Variants in MUC3A observed in about 807,000 individuals in gnomAD.
The protein encoded by MUC3A is mucin-3A.
MUC3A carries 109 observed loss-of-function variants against 109.0 expected under a neutral mutation model. The ratio of observed to expected loss-of-function variants is 1.00; its 90% CI spans 0.86 to 1.17. The LOEUF (loss-of-function observed/expected upper bound fraction) is 1.17. Ranked by LOEUF, MUC3A falls within the 50% of genes most tolerant of loss-of-function variation. The pLI, the probability that MUC3A is intolerant of heterozygous loss-of-function variation, is 0.00. For synonymous variants in MUC3A, 1,398 were observed against 981.4 expected (o/e 1.42, Z -7.93); for missense variants, 3,537 against 2,469.4 (o/e 1.43, Z -9.16).
rs34281234 is a variant in MUC3A at position 100,963,287 on chromosome 7, ATTTT to A, written c.9168+34_9168+37del. On this transcript the variant is annotated intron_variant, in intron 4 of 11. Transcript: ENST00000379458. ...ATCAGGTAAAGGGCAAAGAGAGGGG[ATTTT>A]TTTTTTTTTTTTGAGGTGTAGTCTC... 2.9e-4 allele frequency: 395 copies of A among 1,348,086 alleles called. No individual in the cohort carries two copies. In the African/African-American group the frequency reaches 4.5e-3, roughly 15 times the overall value. 83.5% of individuals were successfully genotyped at this position (1,348,086 alleles called of 1,614,324 possible).
chr7:100,967,214 T>A lies in MUC3A; in HGVS notation c.*52T>A. 1 of 1,596,960 alleles carries A rather than the reference T, an allele frequency of 6.3e-7. No homozygotes were observed. The highest frequency in any genetic ancestry group is 8.5e-7 in the Non-Finnish European group (1 of 1,178,932). ...CTCCGCCCTGCCCCGGACACAAGGG[T>A]CTGCATTGCGTCCATTTCAAGAGGT... is the stretch of plus-strand genomic sequence containing the variant. On this transcript the variant is annotated 3_prime_UTR_variant, in exon 12 of 12. Transcript: ENST00000379458.
Position 100,958,135 on chromosome 7 carries a change from T to TCGTCACCACCGA in MUC3A, c.6356_6357insCGTCACCACCGA (p.Met2119delinsIleValThrThrGlu). On this transcript the variant is annotated protein_altering_variant, in exon 2 of 12. Coordinates refer to ENST00000379458, the MANE Select transcript of MUC3A (RefSeq NM_005960.2). The stretch of plus-strand genomic sequence containing the variant: ...ACTTCCTCAATCACCACCTCTGAGA[T>TCGTCACCACCGA]GCCCTCACACAGTACTCCCAGCTTC... 1.9e-6 allele frequency: 1 copy of TCGTCACCACCGA among 537,658 alleles called. No individual in the cohort carries two copies. Among genetic ancestry groups the TCGTCACCACCGA allele is most frequent in the Non-Finnish European group, 3.4e-6 (1 of 294,098 alleles). 33.3% of individuals were successfully genotyped at this position (537,658 alleles called of 1,614,324 possible). A position where few individuals can be genotyped will look rare whatever the true frequency, so the allele number is the denominator to read the frequency against.
chr7:100,956,346 A>G lies in MUC3A; in HGVS notation c.4567A>G (p.Thr1523Ala). 1 of 641,630 alleles carries G rather than the reference A, an allele frequency of 1.6e-6. No individual in the cohort carries two copies. The highest frequency in any genetic ancestry group is 2.8e-6 in the Non-Finnish European group (1 of 361,374). 39.7% of individuals were successfully genotyped at this position (641,630 alleles called of 1,614,324 possible). A position where few individuals can be genotyped will look rare whatever the true frequency, so the allele number is the denominator to read the frequency against. Residue 1523 changes from threonine (T) to alanine (A), a missense_variant, in exon 2 of 12, where the codon ACC (threonine) becomes GCC (alanine). Coordinates refer to ENST00000379458, the MANE Select transcript of MUC3A (RefSeq NM_005960.2). ...TNLVTTTTKTTSHSTTSFTSS... is the reference protein window; with the variant it reads ...TNLVTTTTKTASHSTTSFTSS... ...CTTGGTAACCACCACCACCAAGACCACCTCACATAGTACCACCAGCTTCAC... is the reference window on the plus strand; with the variant it reads ...CTTGGTAACCACCACCACCAAGACCGCCTCACATAGTACCACCAGCTTCAC...
Position 100,964,811 on chromosome 7 carries a change from G to C in MUC3A, c.9350G>C (p.Ser3117Thr), listed in dbSNP as rs1243623180. The change falls in exon 6 of 12, where the codon AGC (serine) becomes ACC (threonine). Residue 3117 changes from serine to threonine, a missense_variant. Physicochemically the swap from Ser to Thr is moderately conservative, Grantham distance 58. Transcript: ENST00000379458. ...CTGAAGGAGGGGCTGCAGAACGCCA[G>C]CCAGGATGTGAACAGCTGCCAGGAC... Reference protein sequence around the residue: ...TTLKEGLQNASQDVNSCQDSQ... With the variant: ...TTLKEGLQNATQDVNSCQDSQ... 6.3e-7 allele frequency: 1 copy of C among 1,598,220 alleles called. No individual in the cohort carries two copies. The highest frequency in any genetic ancestry group is 1.7e-5 in the Admixed American group (1 of 60,020).
In MUC3A at chr7:100,956,327, AACC is replaced by A; in HGVS notation, c.4559_4561del (p.Thr1520del). On this transcript the variant is annotated inframe_deletion, in exon 2 of 12. Transcript: ENST00000379458. Reference sequence around the variant, plus strand: ...CCAAAACTCCTACCACAAACTTGGTAACCACCACCACCAAGACCACCTCACATA... The same window carrying A: ...CCAAAACTCCTACCACAAACTTGGTAACCACCACCAAGACCACCTCACATA... 3.3e-6 allele frequency: 2 copies of A among 603,598 alleles called. No homozygotes were observed. The highest frequency in any genetic ancestry group is 2.3e-5 in the South Asian group (1 of 43,448). The allele number at this position is 603,598 out of a possible 1,614,324, so 37.4% of individuals were successfully genotyped here. A position where few individuals can be genotyped will look rare whatever the true frequency, so the allele number is the denominator to read the frequency against.
rs1792264376 is a variant in MUC3A at position 100,960,005 on chromosome 7, T to G, written c.8226T>G (p.Ser2742=). Reference sequence around the variant, plus strand: ...CTTCCTCTGCAACTACCAGCACTTCTTCAACCAGCTCCTCTCTGACCACAG... The same window carrying G: ...CTTCCTCTGCAACTACCAGCACTTCGTCAACCAGCTCCTCTCTGACCACAG... ...SLSSSATTST[S]STSSSLTTAL... The change falls in exon 2 of 12, where the codon TCT becomes TCG. Residue 2742 remains serine (S), a synonymous_variant. Coordinates refer to ENST00000379458, the MANE Select transcript of MUC3A (RefSeq NM_005960.2). 22 of 1,507,110 alleles carry G rather than the reference T, an allele frequency of 1.5e-5. No individual in the cohort carries two copies. Among genetic ancestry groups the G allele is most frequent in the Non-Finnish European group, 1.8e-5 (20 of 1,139,384 alleles). The allele number at this position is 1,507,110 out of a possible 1,614,324, so 93.4% of individuals were successfully genotyped here. A position where few individuals can be genotyped will look rare whatever the true frequency, so the allele number is the denominator to read the frequency against.
rs1353073823 is a variant in MUC3A, at chr7:100,956,284, T to G, written c.4505T>G (p.Val1502Gly). Reference protein sequence around the residue: ...ATSLPPTSSLVSTAETAKTPT... With the variant: ...ATSLPPTSSLGSTAETAKTPT... ...TCTCTTCCACCCACCTCTTCCTTGG[T>G]CTCAACCGCAGAAACAGCCAAAACT... Residue 1502 changes from valine (V) to glycine (G), a missense_variant, in exon 2 of 12, where the codon GTC becomes GGC. Val to Gly is a moderately radical substitution (Grantham distance 109). Transcript: ENST00000379458. The G allele has an allele frequency of 1.8e-6, 1 of 557,078 alleles. No homozygotes were observed. Among genetic ancestry groups the G allele is most frequent in the East Asian group, 3.0e-5 (1 of 33,672 alleles). The allele number at this position is 557,078 out of a possible 1,614,324, so 34.5% of individuals were successfully genotyped here.
At position 100,966,462 on chromosome 7, in the gene MUC3A, G is replaced by A. The variant is rs1792564346; in HGVS notation, c.9688G>A (p.Gly3230Ser). 2.2e-6 allele frequency: 3 copies of A among 1,339,374 alleles called. No individual in the cohort carries two copies. The highest frequency in any genetic ancestry group is 3.1e-5 in the Admixed American group (1 of 31,804). The allele number at this position is 1,339,374 out of a possible 1,614,324, so 83.0% of individuals were successfully genotyped here. ...VAVHWRALVG[G>S]LTAGAALLVL... ...CGTCCACTGGAGGGCGCTGGTCGGGGGCCTGACGGCCGGCGCCGCGCTGCT... is the reference window on the plus strand; with the variant it reads ...CGTCCACTGGAGGGCGCTGGTCGGGAGCCTGACGGCCGGCGCCGCGCTGCT... The change falls in exon 9 of 12, where the codon GGC (glycine) becomes AGC (serine). Residue 3230 changes from glycine (G) to serine (S), a missense_variant. Physicochemically the swap from Gly to Ser is moderately conservative, Grantham distance 56 (BLOSUM62 0). Transcript: ENST00000379458.
intron 5 of MUC3A, chr7:100,964,079 A>AAGAG: frequency 2.2e-6 from 1 of 458,734 alleles, no homozygotes; most frequent in Non-Finnish European, 4.0e-6. Flanking sequence ...GAGAGAGAGA[A>AAGAG]AGAGAGAGAG....
At chr7:100,962,445 G>A (rs368840118) in intron 3 of MUC3A, among the ~76,000 whole-genome samples, 80 of 152,394 alleles carry the variant, frequency 5.2e-4, no homozygotes, top group Middle Eastern at 3.4e-3. Flanking sequence ...AGGCTGATTA[G>A]CAATCTAATT....
At chr7:100,965,112 C>A (rs79761591) in intron 6 of MUC3A, 170 bp from the exon 7 acceptor site, 40 of 1,063,866 alleles carry the variant, frequency 3.8e-5, no homozygotes, top group Non-Finnish European at 5.0e-5. Flanking sequence ...GGAGATGAGG[C>A]AGGCAACAGG....
At position 100,951,917 on chromosome 7, in the gene MUC3A, T is replaced by C. The variant is rs1791954510; in HGVS notation, c.138T>C (p.Asn46=). ...AAGCAGCCAGCGCTGTGCTCAGCAATTCTCCACACTCCAGAGACCTGGCTG... is the reference window on the plus strand; with the variant it reads ...AAGCAGCCAGCGCTGTGCTCAGCAACTCTCCACACTCCAGAGACCTGGCTG... ...RAEAASAVLS[N]SPHSRDLAGW... is the part of the protein sequence containing the mutation. The change falls in exon 2 of 12, where the codon AAT becomes AAC. Residue 46 remains asparagine, a synonymous_variant. Coordinates refer to ENST00000379458, the MANE Select transcript of MUC3A (RefSeq NM_005960.2). 6.3e-7 allele frequency: 1 copy of C among 1,598,520 alleles called. No individual in the cohort carries two copies. The highest frequency in any genetic ancestry group is 1.1e-5 in the South Asian group (1 of 91,096).
In MUC3A at chr7:100,965,278, G is replaced by T; in HGVS notation, c.9383-4G>T. 6.3e-7 allele frequency: 1 copy of T among 1,598,918 alleles called. No individual in the cohort carries two copies. The highest frequency in any genetic ancestry group is 8.5e-7 in the Non-Finnish European group (1 of 1,179,608). On this transcript the variant is annotated splice_region_variant and splice_polypyrimidine_tract_variant and intron_variant, in intron 6 of 11. Coordinates refer to ENST00000379458, the MANE Select transcript of MUC3A (RefSeq NM_005960.2). ...CCATTCCATCTGTGCCTGTGTTTCC[G>T]CAGCCCTGTGTTTTAAGCCTGACTC...
In MUC3A at chr7:100,967,294, G is replaced by C. The variant is rs1018169335; in HGVS notation, c.*132G>C. ...TGCTGTTCTTGGGCAAGATGAGACTGTTCCCCCAAATCCCATCCTTCTCCT... is the reference window on the plus strand; with the variant it reads ...TGCTGTTCTTGGGCAAGATGAGACTCTTCCCCCAAATCCCATCCTTCTCCT... On this transcript the variant is annotated 3_prime_UTR_variant, in exon 12 of 12. Transcript: ENST00000379458. 1 of 1,411,432 alleles carries C rather than the reference G, an allele frequency of 7.1e-7. No homozygotes were observed. Among genetic ancestry groups the C allele is most frequent in the Non-Finnish European group, 9.6e-7 (1 of 1,040,556 alleles). 87.4% of individuals were successfully genotyped at this position (1,411,432 alleles called of 1,614,324 possible). A position where few individuals can be genotyped will look rare whatever the true frequency, so the allele number is the denominator to read the frequency against.
Position 100,967,608 on chromosome 7 carries a change from T to C in MUC3A, c.*446T>C. 6.4e-6 allele frequency: 2 copies of C among 312,568 alleles called. No homozygotes were observed. The highest frequency in any genetic ancestry group is 5.7e-5 in the South Asian group (1 of 17,684). 19.4% of individuals were successfully genotyped at this position (312,568 alleles called of 1,614,324 possible). On this transcript the variant is annotated 3_prime_UTR_variant, in exon 12 of 12. Transcript: ENST00000379458. Reference sequence around the variant, plus strand: ...GCCCTGGTTCTTATTTTCTCTCAATTCCCTACTGCCTGTTTCTTACTTTGA... The same window carrying C: ...GCCCTGGTTCTTATTTTCTCTCAATCCCCTACTGCCTGTTTCTTACTTTGA...
rs768626823 is a variant in MUC3A, at chr7:100,966,413, C to T, written c.9639C>T (p.Phe3213=). 4 of 1,350,620 alleles carry T rather than the reference C, an allele frequency of 3.0e-6. No homozygotes were observed. In the South Asian group the frequency reaches 7.3e-5, roughly 25 times the overall value. The allele number at this position is 1,350,620 out of a possible 1,614,324, so 83.7% of individuals were successfully genotyped here. Residue 3213 remains phenylalanine, a synonymous_variant, in exon 9 of 12, where the codon TTC becomes TTT. Transcript: ENST00000379458. ...CRCYSTDTHW[F]SGPRCEVAVH... The stretch of plus-strand genomic sequence containing the variant: ...GCTACTCCACCGACACGCACTGGTT[C>T]TCTGGCCCGCGCTGCGAGGTGGCCG...
At position 100,959,345 on chromosome 7, in the gene MUC3A, A is replaced by G; in HGVS notation, c.7566A>G (p.Arg2522=). 3 of 1,547,434 alleles carry G rather than the reference A, an allele frequency of 1.9e-6. No homozygotes were observed. The highest frequency in any genetic ancestry group is 2.2e-5 in the East Asian group (1 of 44,596). The change falls in exon 2 of 12, where the codon CGA becomes CGG. Residue 2522 remains arginine (R), a synonymous_variant. Coordinates refer to ENST00000379458, the MANE Select transcript of MUC3A (RefSeq NM_005960.2). ...CTGATATCAGTACCTTACCAACTCG[A>G]ACACACATCATTTCATCTTCTCCCT... The part of the protein sequence containing the change: ...IPTDISTLPT[R]THIISSSPSI...
At position 100,957,059 on chromosome 7, in the gene MUC3A, T is replaced by G. The variant is rs1367228935; in HGVS notation, c.5280T>G (p.Thr1760=). ...TGSFKTAVSS[T]PPITSSITST... ...CTTTCAAAACAGCCGTGAGTTCTAC[T>G]CCCCCCATCACTTCTTCAATCACCT... The change falls in exon 2 of 12, where the codon ACT becomes ACG. Residue 1760 remains threonine, a synonymous_variant. Coordinates refer to ENST00000379458, the MANE Select transcript of MUC3A (RefSeq NM_005960.2). The G allele has an allele frequency of 2.1e-6, 1 of 466,426 alleles. No homozygotes were observed. Among genetic ancestry groups the G allele is most frequent in the Non-Finnish European group, 3.8e-6 (1 of 265,306 alleles). 28.9% of individuals were successfully genotyped at this position (466,426 alleles called of 1,614,324 possible). A position where few individuals can be genotyped will look rare whatever the true frequency, so the allele number is the denominator to read the frequency against.
In MUC3A at chr7:100,957,406, C is replaced by T; in HGVS notation, c.5627C>T (p.Ser1876Phe). The T allele has an allele frequency of 1.5e-6, 1 of 655,936 alleles. No homozygotes were observed. Among genetic ancestry groups the T allele is most frequent in the Non-Finnish European group, 2.1e-6 (1 of 469,952 alleles). 40.6% of individuals were successfully genotyped at this position (655,936 alleles called of 1,614,324 possible). A position where few individuals can be genotyped will look rare whatever the true frequency, so the allele number is the denominator to read the frequency against. Residue 1876 changes from serine (S) to phenylalanine (F), a missense_variant, in exon 2 of 12, where the codon TCT becomes TTT. Transcript: ENST00000379458. ...LSTVTSLRPT[S>F]SSLLTTVTAT... ...ACTGTGACCTCTCTTCGACCCACCT[C>T]TTCCTCTCTCCTCACCACAGTAACA... is the stretch of plus-strand genomic sequence containing the variant.
Sources: gnomAD v4.1 joint callset for allele counts (sites outside exome capture counted in the v4.1 genomes callset) on GRCh38, gnomAD v4.1.1 for gene constraint, MANE v1.5 for transcripts, NCBI Gene and HGNC (gene_info 2026-07-23, HGNC 2026-07-21) for gene names.